The following ING1 variants were observed in gnomAD, a reference collection of about 807,000 sequenced individuals.
ING1 encodes inhibitor of growth protein 1.
In ING1, 4 loss-of-function variants were observed where a neutral mutation model predicts 23.1. The ratio of observed to expected loss-of-function variants is 0.17; its 90% CI spans 0.09 to 0.40. The LOEUF (loss-of-function observed/expected upper bound fraction) is 0.40, where lower values mean the gene tolerates loss of function less well. ING1 is among the 10% of genes least tolerant of loss of function. ING1 has a pLI of 1.00. For missense variants in ING1, 256 were observed against 393.8 expected (o/e 0.65, Z 2.96); for synonymous variants, 179 against 166.4 (o/e 1.08, Z -0.58).
At chr13:110,714,429 A>G (rs1014010999) in intron 1 of ING1, 144 bp downstream of exon 1, 3 of 733,884 alleles carry the variant, frequency 4.1e-6, no homozygotes, top group Non-Finnish European at 5.7e-6. Context: ...CAGGAACAAA[A>G]GGTCTGGAGC....
In ING1 at chr13:110,714,080, T is replaced by G; in HGVS notation, c.-70T>G. 1 of 1,438,918 alleles carries G rather than the reference T, an allele frequency of 6.9e-7. No homozygotes were observed. Among genetic ancestry groups the G allele is most frequent in the Non-Finnish European group, 9.2e-7 (1 of 1,091,000 alleles). 89.1% of individuals were successfully genotyped at this position (1,438,918 alleles called of 1,614,324 possible). On this transcript the variant is annotated 5_prime_UTR_variant, in exon 1 of 2. Coordinates refer to ENST00000333219, the MANE Select transcript of ING1 (RefSeq NM_198219.3). ...GGGCTTTGCATTTTGCAGTGCTATTTTTTGAGGGGGGCGGGGGGTGGAGGA... is the reference window on the plus strand; with the variant it reads ...GGGCTTTGCATTTTGCAGTGCTATTGTTTGAGGGGGGCGGGGGGTGGAGGA...
chr13:110,713,418 C>G (rs2064062278), upstream of ING1: 3 of 1,007,590 alleles, frequency 3.0e-6, no homozygotes, highest in East Asian at 2.9e-4. Flanking sequence ...ACAGGCTCTG[C>G]CTCCAAGTGC....
At chr13:110,713,561 G>A (rs1425975657), upstream of ING1, 2 of 985,892 alleles carry the variant, frequency 2.0e-6, no homozygotes, top group Non-Finnish European at 2.4e-6. Flanking sequence ...CCGGCCTGGA[G>A]CCCGCAGCCC....
rs2064160232 is a variant in ING1 at position 110,720,165 on chromosome 13, T to C, written c.*233T>C. The C allele has an allele frequency of 8.1e-6, 3 of 368,140 alleles. No homozygotes were observed. Among genetic ancestry groups the C allele is most frequent in the Non-Finnish European group, 1.5e-5 (3 of 197,606 alleles). The allele number at this position is 368,140 out of a possible 1,614,324, so 22.8% of individuals were successfully genotyped here. On this transcript the variant is annotated 3_prime_UTR_variant, in exon 2 of 2. Coordinates refer to ENST00000333219, the MANE Select transcript of ING1 (RefSeq NM_198219.3). ...CATTTTAGAAACTACAAATATAGGT[T>C]TGATTCAACACTTAAGTCTCAGACT...
upstream of ING1, chr13:110,713,270 G>T: frequency 9.9e-6 from 13 of 1,315,716 alleles, no homozygotes; most frequent in Non-Finnish European, 1.3e-5. Flanking sequence ...AGAGTCAGGG[G>T]CTGAGGAGCG....
chr13:110,714,755 C>G (rs924464996), intron 1 of ING1, among the ~76,000 whole-genome samples: 1 of 152,202 alleles, frequency 6.6e-6, no homozygotes, highest in Non-Finnish European at 1.5e-5. Flanking sequence ...GTTCCTCTGG[C>G]CCTTCTTCGT....
chr13:110,713,919 C>G lies in ING1; in HGVS notation c.-231C>G, dbSNP rs1279377320. 3 of 985,534 alleles carry G rather than the reference C, an allele frequency of 3.0e-6. No individual in the cohort carries two copies. The highest frequency in any genetic ancestry group is 3.6e-6 in the Non-Finnish European group (3 of 831,228). 61.0% of individuals were successfully genotyped at this position (985,534 alleles called of 1,614,324 possible). A position where few individuals can be genotyped will look rare whatever the true frequency, so the allele number is the denominator to read the frequency against. On this transcript the variant is annotated 5_prime_UTR_variant, in exon 1 of 2. Transcript: ENST00000333219. ...GGCCTGCGCCGCCGGCCGGGGCGTG[C>G]GCCCGGGAGCCACCGCCACCGCGGC...
In ING1 at chr13:110,719,162, C is replaced by T. The variant is rs936231937; in HGVS notation, c.137-67C>T. The T allele has an allele frequency of 4.0e-6, 6 of 1,511,136 alleles. No individual in the cohort carries two copies. The African/African-American group carries it at 5.5e-5, about 14-fold the overall frequency. The allele number at this position is 1,511,136 out of a possible 1,614,324, so 93.6% of individuals were successfully genotyped here. ...TCCCTGCCAGCCCTCTCCGTAGACCCGTCCGGGGCCGTGTGGGTTGTCCCG... is the reference window on the plus strand; with the variant it reads ...TCCCTGCCAGCCCTCTCCGTAGACCTGTCCGGGGCCGTGTGGGTTGTCCCG... On this transcript the variant is annotated intron_variant, in intron 1 of 1. Transcript: ENST00000333219. The surrounding 1 kb of genome is among the most constrained non-coding windows in gnomAD (Gnocchi z 8.9).
chr13:110,715,813 C>T (rs1193430389), intron 1 of ING1: 2 of 1,584,318 alleles, frequency 1.3e-6, no homozygotes, highest in Non-Finnish European at 1.7e-6. Context: ...GCGGGTGTCG[C>T]CCCGGCCCCT....
At chr13:110,713,047 C>G (rs774314260), upstream of ING1, 1,026 of 1,466,994 alleles carry the variant, frequency 7.0e-4, 8 homozygotes, top group Middle Eastern at 2.2e-3. Context: ...GCATGCGCCG[C>G]CACTTCCGCC....
rs2064180112 is a variant in ING1 at position 110,722,829 on chromosome 13, A to T, written c.*2897A>T. The T allele has an allele frequency of 6.6e-6, 1 of 152,232 alleles. No homozygotes were observed. The highest frequency in any genetic ancestry group is 1.5e-5 in the Non-Finnish European group (1 of 68,042). 9.4% of individuals were successfully genotyped at this position (152,232 alleles called of 1,614,324 possible). A position where few individuals can be genotyped will look rare whatever the true frequency, so the allele number is the denominator to read the frequency against. ...CTTGTTATTTCCAGTGGACATTAAA[A>T]AAAAATCACAGATAAGTACTTAAAA... On this transcript the variant is annotated 3_prime_UTR_variant, in exon 2 of 2. Coordinates refer to ENST00000333219, the MANE Select transcript of ING1 (RefSeq NM_198219.3).
intron 1 of ING1, among the ~76,000 whole-genome samples, chr13:110,716,279 TGTTCACCTA>T (rs1414085077): frequency 1.3e-5 from 2 of 152,202 alleles, no homozygotes; most frequent in African/African-American, 4.8e-5. Flanking sequence ...GCTTGCTTCA[TGTTCACCTA>T]GGGTGATGAA....
Position 110,719,945 on chromosome 13 carries a change from C to A in ING1, c.*13C>A, listed in dbSNP as rs761265448. 5 of 1,574,366 alleles carry A rather than the reference C, an allele frequency of 3.2e-6. No individual in the cohort carries two copies. The highest frequency in any genetic ancestry group is 4.3e-6 in the Non-Finnish European group (5 of 1,161,564). On this transcript the variant is annotated 3_prime_UTR_variant, in exon 2 of 2. Transcript: ENST00000333219. The surrounding 1 kb of genome is among the most constrained non-coding windows in gnomAD (Gnocchi z 8.9). ...TTACAACAGGTAGTTTGTGGACAGG[C>A]GCCTGGTGTGAGGAGGACAAAATAA...
chr13:110,722,839 A>G lies in ING1; in HGVS notation c.*2907A>G, dbSNP rs1325325486. 1.3e-5 allele frequency: 2 copies of G among 152,184 alleles called. No individual in the cohort carries two copies. The highest frequency in any genetic ancestry group is 1.3e-4 in the Admixed American group (2 of 15,276). 9.4% of individuals were successfully genotyped at this position (152,184 alleles called of 1,614,324 possible). On this transcript the variant is annotated 3_prime_UTR_variant, in exon 2 of 2. Coordinates refer to ENST00000333219, the MANE Select transcript of ING1 (RefSeq NM_198219.3). ...CCAGTGGACATTAAAAAAAAATCAC[A>G]GATAAGTACTTAAAACACTCAAGAT...
chr13:110,720,846 A>T lies in ING1; in HGVS notation c.*914A>T, dbSNP rs903101564. On this transcript the variant is annotated 3_prime_UTR_variant, in exon 2 of 2. Coordinates refer to ENST00000333219, the MANE Select transcript of ING1 (RefSeq NM_198219.3). ...TGTCTTAAAAATTTATACACCAGCA[A>T]TTTAGACAAAGCCTTAAGCAAATTT... 4 of 167,132 alleles carry T rather than the reference A, an allele frequency of 2.4e-5. No individual in the cohort carries two copies. Among genetic ancestry groups the T allele is most frequent in the Non-Finnish European group, 4.4e-5 (3 of 68,126 alleles). 10.4% of individuals were successfully genotyped at this position (167,132 alleles called of 1,614,324 possible). A position where few individuals can be genotyped will look rare whatever the true frequency, so the allele number is the denominator to read the frequency against.
chr13:110,713,552 C>T (rs1178138256), upstream of ING1: 2 of 985,976 alleles, frequency 2.0e-6, no homozygotes, highest in African/African-American at 1.7e-5. Flanking sequence ...CCGCGAGGGC[C>T]GGCCTGGAGC....
Position 110,716,057 on chromosome 13 carries a change from T to A in ING1, c.136+1772T>A, listed in dbSNP as rs539590576. On this transcript the variant is annotated intron_variant, in intron 1 of 1. Coordinates refer to ENST00000333219, the MANE Select transcript of ING1 (RefSeq NM_198219.3). ...CGAGGGGGACCCTCGGCGCAGAAACTTTTCTGGAAGGTGCTGTCCTCGGGC... is the reference window on the plus strand; with the variant it reads ...CGAGGGGGACCCTCGGCGCAGAAACATTTCTGGAAGGTGCTGTCCTCGGGC... The A allele has an allele frequency of 8.1e-6, 12 of 1,473,388 alleles. No individual in the cohort carries two copies. In the South Asian group the frequency reaches 1.4e-4, roughly 17 times the overall value. 91.3% of individuals were successfully genotyped at this position (1,473,388 alleles called of 1,614,324 possible). A position where few individuals can be genotyped will look rare whatever the true frequency, so the allele number is the denominator to read the frequency against.
At chr13:110,712,625 G>C (rs963819614), upstream of ING1, 7 of 519,298 alleles carry the variant, frequency 1.3e-5, no homozygotes, top group African/African-American at 1.9e-5. Context: ...AGCTTTGGGA[G>C]GGTAGAGGGG....
chr13:110,719,353 G>A lies in ING1; in HGVS notation c.261G>A (p.Glu87=). 1 of 1,609,256 alleles carries A rather than the reference G, an allele frequency of 6.2e-7. No individual in the cohort carries two copies. Among genetic ancestry groups the A allele is most frequent in the South Asian group, 1.1e-5 (1 of 91,026 alleles). The change falls in exon 2 of 2, where the codon GAG becomes GAA. Residue 87 remains glutamate, a synonymous_variant. Transcript: ENST00000333219. This position sits in a 1 kb window ranked among gnomAD's most constrained non-coding sequence, Gnocchi z 8.9. ...TCCGCAGCCAGGAGCTGGGCGACGA[G>A]AAGATCCAGATCGTGAGCCAGATGG... ...ALIRSQELGD[E]KIQIVSQMVE...
Sources: gnomAD v4.1 joint callset for allele counts (sites outside exome capture counted in the v4.1 genomes callset) on GRCh38, gnomAD v4.1.1 for gene constraint, Gnocchi (gnomAD v3.1) non-coding constraint, MANE v1.5 for transcripts, NCBI Gene and HGNC (gene_info 2026-07-23, HGNC 2026-07-21) for gene names.